The following SLCO3A1 variants were observed in gnomAD, a reference collection of about 807,000 sequenced individuals.
The protein encoded by SLCO3A1 is solute carrier organic anion transporter family member 3A1, also known as PGE1 transporter.
Under a neutral mutation model 63.1 loss-of-function variants are expected in SLCO3A1, and 27 were observed. The ratio of observed to expected loss-of-function variants is 0.43; its 90% CI spans 0.32 to 0.59. The LOEUF (loss-of-function observed/expected upper bound fraction) is 0.59, where lower values mean the gene tolerates loss of function less well. Ranked by LOEUF, SLCO3A1 falls within the 20% of genes least tolerant of loss-of-function variation. SLCO3A1 has a pLI of 0.09. For synonymous variants in SLCO3A1, 473 were observed against 409.9 expected (o/e 1.15, Z -1.86); for missense variants, 773 against 945.8 (o/e 0.82, Z 2.40).
chr15:91,894,337 T>C lies in SLCO3A1; in HGVS notation c.181-21656T>C, dbSNP rs879607802. Among the ~76,000 whole-genome samples the C allele has an allele frequency of 5.3e-5, 8 of 152,152 alleles. No homozygotes were observed. The highest frequency in any genetic ancestry group is 5.2e-4 in the Admixed American group (8 of 15,282). ...GAGCCATTGGAAAATACTGAGTAACTTGCCATGATGTGACTTTGGTACTCA... is the reference window on the plus strand; with the variant it reads ...GAGCCATTGGAAAATACTGAGTAACCTGCCATGATGTGACTTTGGTACTCA... On this transcript the variant is annotated intron_variant, in intron 1 of 9. Coordinates refer to ENST00000318445, the MANE Select transcript of SLCO3A1 (RefSeq NM_013272.4). This position sits in a 1 kb window ranked among gnomAD's most constrained non-coding sequence, Gnocchi z 4.8.
Position 91,942,366 on chromosome 15 carries a change from A to G in SLCO3A1, c.646+25908A>G, listed in dbSNP as rs943196871. On this transcript the variant is annotated intron_variant, in intron 2 of 9. Coordinates refer to ENST00000318445, the MANE Select transcript of SLCO3A1 (RefSeq NM_013272.4). The surrounding 1 kb of genome is among the most constrained non-coding windows in gnomAD (Gnocchi z 4.1). Reference sequence around the variant, plus strand: ...GAACACACACCTGTCCATCGTTGAGATTTTGTTTTATGTATATTCCTATAG... The same window carrying G: ...GAACACACACCTGTCCATCGTTGAGGTTTTGTTTTATGTATATTCCTATAG... Among the ~76,000 whole-genome samples, 67 of 152,192 alleles carry G rather than the reference A, an allele frequency of 4.4e-4. No homozygotes were observed. Among genetic ancestry groups the G allele is most frequent in the African/African-American group, 1.5e-3 (62 of 41,524 alleles).
intron 1 of SLCO3A1, among the ~76,000 whole-genome samples, chr15:91,880,131 G>A (rs12909487): frequency 0.19 from 24,547 of 126,578 alleles, 2,559 homozygotes; most frequent in Middle Eastern, 0.29. Context: ...CCGTCCGTCC[G>A]TCCATCCATC....
intron 2 of SLCO3A1, among the ~76,000 whole-genome samples, chr15:91,951,794 A>G (rs1208688340): frequency 3.3e-5 from 5 of 152,066 alleles, no homozygotes; most frequent in Admixed American, 6.5e-5. Context: ...ACCTCAAGTG[A>G]TCTGCCTGCC....
At chr15:92,158,039 AG>A (rs2048393392) in intron 9 of SLCO3A1, among the ~76,000 whole-genome samples, 1 of 152,216 alleles carries the variant, frequency 6.6e-6, no homozygotes, top group Admixed American at 6.5e-5. Context: ...TTCACATCAA[AG>A]CCTACCACGA....
chr15:92,143,467 T>TATA lies in SLCO3A1; in HGVS notation c.1513-3516_1513-3515insTAA, dbSNP rs1462977606. ...ATATATATAATATATATAATATATA[T>TATA]AAATATATATATATATTATATATAT... On this transcript the variant is annotated intron_variant, in intron 7 of 9. Coordinates refer to ENST00000318445, the MANE Select transcript of SLCO3A1 (RefSeq NM_013272.4). 2.4e-4 allele frequency among the ~76,000 whole-genome samples: 4 copies of TATA among 16,788 alleles called. 1 individual carries two copies. The East Asian group carries it at 5.2e-3, about 22-fold the overall frequency. 11.0% of individuals were successfully genotyped at this position (16,788 alleles called of 152,430 possible).
At chr15:92,029,118 C>G (rs916129571) in intron 2 of SLCO3A1, among the ~76,000 whole-genome samples, 1 of 152,238 alleles carries the variant, frequency 6.6e-6, no homozygotes, top group Admixed American at 6.5e-5. Context: ...TAAATGGAAT[C>G]TCTTCTGGGA....
intron 9 of SLCO3A1, among the ~76,000 whole-genome samples, chr15:92,155,771 A>G (rs1481578836): frequency 1.3e-5 from 2 of 152,176 alleles, no homozygotes; most frequent in African/African-American, 4.8e-5. Flanking sequence ...AAGAGAAGCA[A>G]TGAAAGCTCA....
chr15:92,156,184 G>C (rs57180217), intron 9 of SLCO3A1, among the ~76,000 whole-genome samples: 1 of 152,218 alleles, frequency 6.6e-6, no homozygotes, highest in African/African-American at 2.4e-5. Flanking sequence ...GTTAAGTGCT[G>C]CTTTGGAAGA....
intron 4 of SLCO3A1, among the ~76,000 whole-genome samples, chr15:92,119,136 T>C (rs751784923): frequency 2.3e-4 from 35 of 152,184 alleles, no homozygotes; most frequent in Non-Finnish European, 4.0e-4. Context: ...TCTTGTACAC[T>C]GCCAGGATAC....
intron 1 of SLCO3A1, among the ~76,000 whole-genome samples, chr15:91,876,287 G>A (rs1328045354): frequency 6.6e-6 from 1 of 152,188 alleles, no homozygotes; most frequent in Non-Finnish European, 1.5e-5. Flanking sequence ...AGTGTGTCAG[G>A]TACACATAGC....
chr15:92,024,661 A>G (rs1443294414), intron 2 of SLCO3A1, among the ~76,000 whole-genome samples: 2 of 152,006 alleles, frequency 1.3e-5, no homozygotes, highest in East Asian at 3.9e-4. Context: ...CTTACATCCT[A>G]GTATAAGAGA....
At chr15:92,117,048 A>G (rs142851302) in intron 4 of SLCO3A1, among the ~76,000 whole-genome samples, 5 of 152,370 alleles carry the variant, frequency 3.3e-5, no homozygotes, top group East Asian at 1.9e-4. Context: ...GCAGACTTCT[A>G]TCTTGACAAG....
rs915179064 is a variant in SLCO3A1 at position 91,885,686 on chromosome 15, T to C, written c.181-30307T>C. 6.6e-6 allele frequency among the ~76,000 whole-genome samples: 1 copy of C among 152,178 alleles called. No homozygotes were observed. The highest frequency in any genetic ancestry group is 1.5e-5 in the Non-Finnish European group (1 of 68,036). The stretch of plus-strand genomic sequence containing the variant: ...TTCATTCACAGTAGACAGTTTTAGG[T>C]AGATCCCTGCTGTGAGCAGACACAT... On this transcript the variant is annotated intron_variant, in intron 1 of 9. Coordinates refer to ENST00000318445, the MANE Select transcript of SLCO3A1 (RefSeq NM_013272.4). This position sits in a 1 kb window ranked among gnomAD's most constrained non-coding sequence, Gnocchi z 4.7.
chr15:91,948,560 G>A lies in SLCO3A1; in HGVS notation c.646+32102G>A, dbSNP rs1010289735. ...AGTCAGGAGAGGGCCGAATGTGCAC[G>A]AGACTCTGCAGGAAGGCTGAAAAAC... On this transcript the variant is annotated intron_variant, in intron 2 of 9. Transcript: ENST00000318445. The surrounding 1 kb of genome is among the most constrained non-coding windows in gnomAD (Gnocchi z 4.8). Among the ~76,000 whole-genome samples the A allele has an allele frequency of 7.2e-5, 11 of 152,170 alleles. No individual in the cohort carries two copies. Among genetic ancestry groups the A allele is most frequent in the African/African-American group, 2.7e-4 (11 of 41,448 alleles).
chr15:91,946,827 C>A (rs1899822160), intron 2 of SLCO3A1, among the ~76,000 whole-genome samples: 1 of 152,158 alleles, frequency 6.6e-6, no homozygotes, highest in African/African-American at 2.4e-5. Flanking sequence ...CAAAATTCCC[C>A]TCCGAGGAAG....
intron 5 of SLCO3A1, among the ~76,000 whole-genome samples, chr15:92,124,274 ATT>A (rs1430508991): frequency 6.6e-6 from 1 of 152,194 alleles, no homozygotes; most frequent in Non-Finnish European, 1.5e-5. Flanking sequence ...TGAGAATGGA[ATT>A]TCAGGGAAGT....
At chr15:91,993,812 G>T (rs1316196980) in intron 2 of SLCO3A1, among the ~76,000 whole-genome samples, 2 of 152,192 alleles carry the variant, frequency 1.3e-5, no homozygotes, top group Admixed American at 1.3e-4. Context: ...AGATGTTGCT[G>T]TTTCTACCCT....
chr15:92,047,095 TATACAAATATATATATA>T (rs2046880149), intron 2 of SLCO3A1, among the ~76,000 whole-genome samples: 1 of 27,646 alleles, frequency 3.6e-5, no homozygotes, highest in African/African-American at 1.3e-4. Flanking sequence ...TATAAATATA[TATACAAATATATATATA>T]ATATATAAAT....
At chr15:92,091,709 C>T (rs768683652) in intron 2 of SLCO3A1, among the ~76,000 whole-genome samples, 116 of 152,256 alleles carry the variant, frequency 7.6e-4, no homozygotes, top group Non-Finnish European at 1.3e-3. Context: ...GTCCGTGTGA[C>T]GAGGAGCGAC....
Sources: allele counts gnomAD v4.1 joint callset (sites outside exome capture counted in the v4.1 genomes callset), GRCh38; gene constraint gnomAD v4.1.1; non-coding constraint Gnocchi (gnomAD v3.1); transcripts MANE v1.5; gene names NCBI Gene and HGNC (gene_info 2026-07-23, HGNC 2026-07-21).